Variants in TENM4 observed in about 807,000 individuals in gnomAD.
TENM4 encodes the protein teneurin transmembrane protein 4, also known as teneurin-4.
Under a neutral mutation model 243.3 loss-of-function variants are expected in TENM4, and 82 were observed. The ratio of observed to expected loss-of-function variants is 0.34; its 90% CI spans 0.28 to 0.40. The LOEUF (loss-of-function observed/expected upper bound fraction) is 0.40, where lower values mean the gene tolerates loss of function less well. Among genes scored for constraint, TENM4 ranks in the 10% least tolerant of loss-of-function variants. TENM4 has a pLI of 1.00. For synonymous variants in TENM4, 1,412 were observed against 1,456.3 expected, an observed-to-expected ratio of 0.97 and a Z score of 0.69; for missense variants, 3,138 against 3,673.3, an observed-to-expected ratio of 0.85 and a Z score of 3.77.
intron 6 of TENM4, among the ~76,000 whole-genome samples, chr11:78,993,181 C>G (rs1858087251): frequency 6.6e-6 from 1 of 152,024 alleles, no homozygotes; most frequent in African/African-American, 2.4e-5. Context: ...GAAGCATAGA[C>G]CCAAAGCTAT....
At chr11:78,997,463 C>T (rs1035973734) in intron 6 of TENM4, among the ~76,000 whole-genome samples, 9 of 152,202 alleles carry the variant, frequency 5.9e-5, no homozygotes, top group African/African-American at 1.9e-4. Flanking sequence ...ATGACTGTTA[C>T]AACTTTAAGA....
intron 1 of TENM4, among the ~76,000 whole-genome samples, chr11:79,434,799 T>A (rs1480309525): frequency 6.6e-6 from 1 of 152,210 alleles, no homozygotes; most frequent in Non-Finnish European, 1.5e-5. Flanking sequence ...ACAGAAGCTT[T>A]AGTATGGTAT....
chr11:79,134,077 T>C (rs1048421462), intron 4 of TENM4, among the ~76,000 whole-genome samples: 1 of 152,250 alleles, frequency 6.6e-6, no homozygotes, highest in African/African-American at 2.4e-5. Flanking sequence ...GCTGAAGATA[T>C]GATTGTTTAC....
intron 6 of TENM4, among the ~76,000 whole-genome samples, chr11:78,975,318 G>A (rs1857629683): frequency 6.6e-6 from 1 of 152,000 alleles, no homozygotes; most frequent in African/African-American, 2.4e-5. Context: ...CACACCTCTG[G>A]AGGCTGAAAT....
At chr11:78,820,712 C>T (rs1156804730) in intron 12 of TENM4, among the ~76,000 whole-genome samples, 2 of 152,196 alleles carry the variant, frequency 1.3e-5, no homozygotes, top group Admixed American at 6.5e-5. Flanking sequence ...ACACAAGACA[C>T]ATGGAAACTC....
At chr11:79,355,495 T>C (rs1238954764) in intron 1 of TENM4, among the ~76,000 whole-genome samples, 1 of 116,330 alleles carries the variant, frequency 8.6e-6, no homozygotes, top group Non-Finnish European at 1.9e-5. Context: ...ATCACGCCAC[T>C]ACACTCCAGC....
intron 19 of TENM4, among the ~76,000 whole-genome samples, chr11:78,742,556 C>T (rs776765150): frequency 5.3e-5 from 8 of 152,136 alleles, no homozygotes; most frequent in Non-Finnish European, 1.0e-4. Context: ...TGAGTCAACA[C>T]TTGGGTTTGG....
At chr11:78,918,301 C>T (rs1856367270) in intron 6 of TENM4, among the ~76,000 whole-genome samples, 1 of 152,170 alleles carries the variant, frequency 6.6e-6, no homozygotes, top group African/African-American at 2.4e-5. Flanking sequence ...CCCTCACAAA[C>T]CCCAGAGTCA....
At chr11:79,311,519 A>G (rs774699336) in intron 1 of TENM4, among the ~76,000 whole-genome samples, 15 of 152,180 alleles carry the variant, frequency 9.9e-5, no homozygotes, top group Admixed American at 3.9e-4. Context: ...TACTTTGTGA[A>G]TCCTAGTTTG....
intron 6 of TENM4, among the ~76,000 whole-genome samples, chr11:78,917,486 T>TTTTTTA (rs1479025762): frequency 6.6e-6 from 1 of 152,158 alleles, no homozygotes; most frequent in African/African-American, 2.4e-5. Context: ...ACATGTGGGT[T>TTTTTTA]TTTTTATTTT....
intron 4 of TENM4, among the ~76,000 whole-genome samples, chr11:79,130,464 C>T (rs1861979898): frequency 1.0e-5 from 1 of 95,662 alleles, no homozygotes; most frequent in Non-Finnish European, 2.3e-5. Context: ...AAAGGCAAAG[C>T]CCAATGCAAA....
At chr11:79,396,996 T>A (rs536476011) in intron 1 of TENM4, among the ~76,000 whole-genome samples, 2 of 152,124 alleles carry the variant, frequency 1.3e-5, no homozygotes, top group Non-Finnish European at 2.9e-5. Context: ...GAGCACTGTG[T>A]CAAGGGGGCT....
At chr11:78,795,850 AG>A (rs889289387) in intron 15 of TENM4, among the ~76,000 whole-genome samples, 6 of 152,292 alleles carry the variant, frequency 3.9e-5, no homozygotes, top group Middle Eastern at 3.4e-3. Context: ...GGAAGAAGCC[AG>A]AAGGGGAAGA....
chr11:79,378,718 T>A (rs1334945117), intron 1 of TENM4, among the ~76,000 whole-genome samples: 1 of 151,496 alleles, frequency 6.6e-6, no homozygotes, highest in Non-Finnish European at 1.5e-5. Context: ...AAAATATGGA[T>A]AATAGAAAGA....
intron 3 of TENM4, among the ~76,000 whole-genome samples, chr11:79,194,328 T>C (rs1419366994): frequency 6.6e-6 from 1 of 151,860 alleles, no homozygotes; most frequent in Non-Finnish European, 1.5e-5. Context: ...GCTGAAAAGA[T>C]ACCTGAAAAT....
intron 4 of TENM4, among the ~76,000 whole-genome samples, chr11:79,109,394 C>A (rs985278850): frequency 1.3e-5 from 2 of 152,102 alleles, no homozygotes; most frequent in African/African-American, 4.8e-5. Flanking sequence ...ATGAACCAGT[C>A]TTTTTTGTGT....
intron 15 of TENM4, among the ~76,000 whole-genome samples, chr11:78,791,261 C>T (rs1054192792): frequency 6.6e-6 from 1 of 152,174 alleles, no homozygotes. Context: ...TTTCAAATAC[C>T]TTGAAACAAA....
At chr11:79,330,117 T>G (rs1358044045) in intron 1 of TENM4, among the ~76,000 whole-genome samples, 1 of 152,150 alleles carries the variant, frequency 6.6e-6, no homozygotes, top group African/African-American at 2.4e-5. Context: ...GTATAAACAC[T>G]CTTACTGTGG....
At chr11:78,835,280 G>T (rs1858077599) in intron 12 of TENM4, among the ~76,000 whole-genome samples, 1 of 152,142 alleles carries the variant, frequency 6.6e-6, no homozygotes, top group African/African-American at 2.4e-5. Context: ...GGCCGAGGTG[G>T]ACAGATCACA....
Sources: allele counts gnomAD v4.1 joint callset (sites outside exome capture counted in the v4.1 genomes callset), GRCh38; gene constraint gnomAD v4.1.1; transcripts MANE v1.5; gene names NCBI Gene and HGNC (gene_info 2026-07-23, HGNC 2026-07-21).